GPAM: variants seen among roughly 807,000 people sequenced by gnomAD.
GPAM encodes glycerol-3-phosphate acyltransferase, mitochondrial, also known as glycerol-3-phosphate acyltransferase 1, mitochondrial.
In GPAM, 56 loss-of-function variants were observed where a neutral mutation model predicts 105.0. That is an observed-to-expected ratio of 0.53 (90% confidence interval 0.43 to 0.67). The LOEUF is 0.67. GPAM is among the 30% of genes least tolerant of loss of function. The pLI is 0.00. For synonymous variants in GPAM, 368 were observed against 354.4 expected (o/e 1.04, Z -0.43); for missense variants, 855 against 989.8 (o/e 0.86, Z 1.83).
chr10:112,179,789 T>C (rs909955739), intron 4 of GPAM, among the ~76,000 whole-genome samples: 2 of 152,168 alleles, frequency 1.3e-5, no homozygotes, highest in Non-Finnish European at 2.9e-5. Context: ...AGATATGACT[T>C]TTAAAAGGCA....
Position 112,168,970 on chromosome 10 carries a change from A to G in GPAM, c.795-18T>C, listed in dbSNP as rs1269052208. On this transcript the variant is annotated intron_variant, in intron 9 of 21. Transcript: ENST00000348367. ...TCAAGGTACTATAAATTCAGAATAC[A>G]TGAATTATTTACAAAGAAAAATGTA... The G allele has an allele frequency of 1.4e-6, 2 of 1,406,300 alleles. No homozygotes were observed. The highest frequency in any genetic ancestry group is 4.6e-5 in the East Asian group (2 of 43,898). 87.1% of individuals were successfully genotyped at this position (1,406,300 alleles called of 1,614,324 possible). A position where few individuals can be genotyped will look rare whatever the true frequency, so the allele number is the denominator to read the frequency against.
At chr10:112,173,448 G>A (rs548788357) in intron 7 of GPAM, among the ~76,000 whole-genome samples, 16 of 152,254 alleles carry the variant, frequency 1.1e-4, no homozygotes, top group African/African-American at 3.9e-4. Context: ...AAGCAGTCTA[G>A]GTGAGCAGAT....
intron 4 of GPAM, among the ~76,000 whole-genome samples, chr10:112,178,785 T>C (rs1053344297): frequency 6.6e-6 from 1 of 152,218 alleles, no homozygotes; most frequent in African/African-American, 2.4e-5. Flanking sequence ...CACCATTTTC[T>C]AGGTGAGAAA....
Position 112,150,896 on chromosome 10 carries a change from A to G in GPAM, c.*2654T>C, listed in dbSNP as rs566210489. 3.0e-6 allele frequency: 3 copies of G among 985,346 alleles called. No individual in the cohort carries two copies. Among genetic ancestry groups the G allele is most frequent in the South Asian group, 4.7e-5 (1 of 21,286 alleles). The allele number at this position is 985,346 out of a possible 1,614,324, so 61.0% of individuals were successfully genotyped here. On this transcript the variant is annotated 3_prime_UTR_variant, in exon 22 of 22. Coordinates refer to ENST00000348367, the MANE Select transcript of GPAM (RefSeq NM_001244949.2). ...GCTTACATTCATTGTAATCCCAGAA[A>G]TATTTTCTCCATTTACCCTCATGAC...
At chr10:112,216,678 C>T (rs1847972769), upstream of GPAM, among the ~76,000 whole-genome samples, 1 of 151,686 alleles carries the variant, frequency 6.6e-6, no homozygotes, top group Non-Finnish European at 1.5e-5. Flanking sequence ...GGCTGGAGTG[C>T]AGTGGTGTGA....
chr10:112,159,057 C>T (rs1358500436), intron 17 of GPAM, among the ~76,000 whole-genome samples: 1 of 152,058 alleles, frequency 6.6e-6, no homozygotes, highest in Non-Finnish European at 1.5e-5. Flanking sequence ...ATGAATTCTA[C>T]ATGTTGATGA....
chr10:112,204,257 T>TA (rs1847834151), intron 1 of GPAM, among the ~76,000 whole-genome samples: 1 of 148,080 alleles, frequency 6.8e-6, no homozygotes, highest in Non-Finnish European at 1.5e-5. Flanking sequence ...CTTTGTTCTT[T>TA]TTTTTTTTTT....
upstream of GPAM, among the ~76,000 whole-genome samples, chr10:112,186,570 G>A (rs1025786647): frequency 2.0e-5 from 3 of 151,550 alleles, no homozygotes; most frequent in Admixed American, 6.6e-5. Flanking sequence ...ATGGAATCTC[G>A]CTCTGTCACC....
In GPAM at chr10:112,181,569, G is replaced by C. The variant is rs796845021; in HGVS notation, c.102+114C>G. 21 of 728,582 alleles carry C rather than the reference G, an allele frequency of 2.9e-5. No homozygotes were observed. The African/African-American group carries it at 2.9e-4, about 10-fold the overall frequency. 45.1% of individuals were successfully genotyped at this position (728,582 alleles called of 1,614,324 possible). A position where few individuals can be genotyped will look rare whatever the true frequency, so the allele number is the denominator to read the frequency against. On this transcript the variant is annotated intron_variant, in intron 3 of 21. Coordinates refer to ENST00000348367, the MANE Select transcript of GPAM (RefSeq NM_001244949.2). ...AGGCTTCATAAACATACCAGTTTCT[G>C]TAGCTATTAATCTTGATGTGATATT...
At chr10:112,190,520 G>GA (rs1847644456) in intron 1 of GPAM, among the ~76,000 whole-genome samples, 1 of 145,978 alleles carries the variant, frequency 6.9e-6, no homozygotes, top group Non-Finnish European at 1.5e-5. Context: ...AAAAAGAAAA[G>GA]AAAGAAAGGG....
chr10:112,150,318 T>TA lies in GPAM; in HGVS notation c.*3231dup. ...ACAATACTTTCTTCTAGATCTGAAT[T>TA]AAAACCTTATTTACCCCAATTCATC... On this transcript the variant is annotated 3_prime_UTR_variant, in exon 22 of 22. Coordinates refer to ENST00000348367, the MANE Select transcript of GPAM (RefSeq NM_001244949.2). 1.0e-6 allele frequency: 1 copy of TA among 985,280 alleles called. No homozygotes were observed. The highest frequency in any genetic ancestry group is 4.7e-5 in the South Asian group (1 of 21,280). The allele number at this position is 985,280 out of a possible 1,614,324, so 61.0% of individuals were successfully genotyped here.
intron 10 of GPAM, 40 bp from the exon 11 acceptor site, chr10:112,168,564 A>G: frequency 7.6e-7 from 1 of 1,314,976 alleles, no homozygotes; most frequent in Non-Finnish European, 1.1e-6. Flanking sequence ...ATTCAAGACC[A>G]CTCAACTTAG....
chr10:112,179,905 C>T (rs1009828208), intron 4 of GPAM, among the ~76,000 whole-genome samples: 1 of 152,166 alleles, frequency 6.6e-6, no homozygotes, highest in Admixed American at 6.5e-5. Flanking sequence ...CTTGGCTCTT[C>T]TCAAAGACTG....
At chr10:112,190,372 G>A (rs1847642082) in intron 1 of GPAM, among the ~76,000 whole-genome samples, 1 of 151,970 alleles carries the variant, frequency 6.6e-6, no homozygotes, top group African/African-American at 2.4e-5. Flanking sequence ...GGGCTTGGTG[G>A]CGTGTGCCTG....
At position 112,196,103 on chromosome 10, in the gene GPAM, C is replaced by T. The variant is rs142125962; in HGVS notation, n.211-13212G>A. The stretch of plus-strand genomic sequence containing the variant: ...GCCAAGCAGAGCCTGGGAGGAAACA[C>T]ACACATGCCCAATACTCTTGAAAGA... On this transcript the variant is annotated intron_variant and non_coding_transcript_variant, in intron 1 of 3. Transcript: ENST00000480130. Among the ~76,000 whole-genome samples the T allele has an allele frequency of 7.9e-5, 12 of 152,270 alleles. No homozygotes were observed. The East Asian group carries it at 2.3e-3, about 29-fold the overall frequency.
chr10:112,158,355 T>C lies in GPAM; in HGVS notation c.1941A>G (p.Val647=), dbSNP rs1197577094. ...QTFYQVCHET[V]GKFIQYGILT... Reference sequence around the variant, plus strand: ...GAATGCCATACTGGATAAACTTTCCTACTGTTTCATGGCAGACTTGGTAAA... The same window carrying C: ...GAATGCCATACTGGATAAACTTTCCCACTGTTTCATGGCAGACTTGGTAAA... The change falls in exon 18 of 22, where the codon GTA becomes GTG. Residue 647 remains valine, a synonymous_variant. Coordinates refer to ENST00000348367, the MANE Select transcript of GPAM (RefSeq NM_001244949.2). The C allele has an allele frequency of 6.2e-7, 1 of 1,606,746 alleles. No individual in the cohort carries two copies. Among genetic ancestry groups the C allele is most frequent in the East Asian group, 2.2e-5 (1 of 44,856 alleles).
At chr10:112,179,248 C>A (rs1471566819) in intron 4 of GPAM, among the ~76,000 whole-genome samples, 1 of 152,200 alleles carries the variant, frequency 6.6e-6, no homozygotes, top group African/African-American at 2.4e-5. Flanking sequence ...GTTGTACTAT[C>A]TACCTTTACC....
intron 1 of GPAM, among the ~76,000 whole-genome samples, chr10:112,203,368 A>G (rs749533512): frequency 6.6e-6 from 1 of 152,210 alleles, no homozygotes; most frequent in East Asian, 1.9e-4. Context: ...TTTTCTAAAC[A>G]TGGGCCATAA....
At chr10:112,175,947 G>A (rs574661280) in intron 5 of GPAM, among the ~76,000 whole-genome samples, 1 of 152,238 alleles carries the variant, frequency 6.6e-6, no homozygotes, top group South Asian at 2.1e-4. Context: ...TTTGAATAGT[G>A]TTACTGTGCC....
Sources: gnomAD v4.1 joint callset for allele counts (sites outside exome capture counted in the v4.1 genomes callset) on GRCh38, gnomAD v4.1.1 for gene constraint, MANE v1.5 for transcripts, NCBI Gene and HGNC (gene_info 2026-07-23, HGNC 2026-07-21) for gene names.